SAXO1: variants seen among roughly 807,000 people sequenced by gnomAD.
The protein encoded by SAXO1 is stabilizer of axonemal microtubules 1, also known as 4930500O09Rik.
A neutral mutation model predicts 17.5 loss-of-function variants in SAXO1; 21 were observed. That is an observed-to-expected ratio of 1.20 (90% CI 0.85 to 1.72). The LOEUF (loss-of-function observed/expected upper bound fraction) is 1.72. SAXO1 is among the 40% of genes most tolerant of loss of function. The pLI, the probability that SAXO1 is intolerant of heterozygous loss-of-function variation, is 0.00. For missense variants in SAXO1, 843 were observed against 596.0 expected (o/e 1.41, Z -4.32); for synonymous variants, 274 against 216.5 (o/e 1.27, Z -2.33).
At chr9:18,967,809 G>A (rs1284935004) in intron 1 of SAXO1, among the ~76,000 whole-genome samples, 5 of 151,756 alleles carry the variant, frequency 3.3e-5, no homozygotes, top group Non-Finnish European at 7.4e-5. Context: ...AAAAACTCCT[G>A]CAGCTAGCTC....
intron 1 of SAXO1, among the ~76,000 whole-genome samples, chr9:19,042,830 C>A (rs58036377): frequency 0.17 from 25,425 of 150,840 alleles, 3,076 homozygotes; most frequent in African/African-American, 0.35. Context: ...CCACTGTACT[C>A]CAGACTGGGC....
intron 1 of SAXO1, among the ~76,000 whole-genome samples, chr9:18,962,109 C>A (rs1157871056): frequency 1.3e-5 from 2 of 151,792 alleles, no homozygotes; most frequent in African/African-American, 4.8e-5. Flanking sequence ...CTCTTGTTGC[C>A]CAAGCAGGAG....
At chr9:19,041,519 G>A (rs531813669) in intron 1 of SAXO1, among the ~76,000 whole-genome samples, 1 of 152,244 alleles carries the variant, frequency 6.6e-6, no homozygotes, top group South Asian at 2.1e-4. Context: ...CAAAATTGGA[G>A]GAATCACATT....
chr9:19,036,302 T>G (rs182376661), upstream of SAXO1, among the ~76,000 whole-genome samples: 1,028 of 150,642 alleles, frequency 6.8e-3, 11 homozygotes, highest in African/African-American at 0.024. Context: ...AAGAAAAACC[T>G]GTTTTCTGAG....
chr9:19,039,055 A>G (rs1412999781), intron 1 of SAXO1, among the ~76,000 whole-genome samples: 1 of 151,650 alleles, frequency 6.6e-6, no homozygotes, highest in East Asian at 1.9e-4. Flanking sequence ...CTGAAAAGCA[A>G]CTCTTTACAG....
upstream of SAXO1, among the ~76,000 whole-genome samples, chr9:19,035,643 G>A (rs1835916683): frequency 6.6e-6 from 1 of 152,204 alleles, no homozygotes; most frequent in Non-Finnish European, 1.5e-5. Flanking sequence ...CTAGAGACTT[G>A]TTGAATGGCT....
chr9:18,993,701 A>C (rs1833899797), intron 1 of SAXO1, among the ~76,000 whole-genome samples: 1 of 152,170 alleles, frequency 6.6e-6, no homozygotes, highest in East Asian at 1.9e-4. Flanking sequence ...AGAATGTAGA[A>C]GGCAAGGCGA....
intron 1 of SAXO1, among the ~76,000 whole-genome samples, chr9:18,983,976 AT>A (rs1298409614): frequency 1.3e-5 from 2 of 152,228 alleles, no homozygotes; most frequent in Non-Finnish European, 2.9e-5. Flanking sequence ...GAAAATTGAA[AT>A]TACTTTTTGA....
chr9:19,018,221 TTTTG>T (rs1012996954), intron 1 of SAXO1, among the ~76,000 whole-genome samples: 3 of 152,138 alleles, frequency 2.0e-5, no homozygotes, highest in Non-Finnish European at 4.4e-5. Context: ...TTCTCCATGT[TTTTG>T]TTTTTTATTG....
intron 1 of SAXO1, among the ~76,000 whole-genome samples, chr9:19,014,460 C>CAAAAAAAAA (rs375593725): frequency 4.0e-4 from 35 of 88,526 alleles, no homozygotes; most frequent in African/African-American, 5.3e-4. Context: ...AACTGTGTCT[C>CAAAAAAAAA]AAAAAAAAAA....
At chr9:18,988,808 A>G (rs1184604436) in intron 1 of SAXO1, among the ~76,000 whole-genome samples, 3 of 152,152 alleles carry the variant, frequency 2.0e-5, no homozygotes, top group East Asian at 3.8e-4. Flanking sequence ...TAAAACCCCT[A>G]ATTAAAACTA....
chr9:19,000,607 A>G (rs1834226295), intron 1 of SAXO1, among the ~76,000 whole-genome samples: 1 of 152,240 alleles, frequency 6.6e-6, no homozygotes. Context: ...CTGCCCAGCC[A>G]CTGTGCAACC....
At chr9:19,046,130 A>T (rs34395443) in intron 1 of SAXO1, among the ~76,000 whole-genome samples, 6,042 of 151,534 alleles carry the variant, frequency 0.04, 178 homozygotes, top group Non-Finnish European at 0.065. Flanking sequence ...ACATACAAAC[A>T]AAAGAAACTT....
At chr9:18,986,749 C>A (rs781668839) in intron 1 of SAXO1, among the ~76,000 whole-genome samples, 8 of 152,170 alleles carry the variant, frequency 5.3e-5, no homozygotes, top group Non-Finnish European at 8.8e-5. Flanking sequence ...TACAGTTGTG[C>A]AGGTTGCATA....
Position 18,927,723 on chromosome 9 carries a change from A to G in SAXO1, c.*329T>C, listed in dbSNP as rs1054827379. The G allele has an allele frequency of 3.5e-5, 8 of 229,662 alleles. No homozygotes were observed. The highest frequency in any genetic ancestry group is 4.2e-5 in the Non-Finnish European group (5 of 118,306). 14.2% of individuals were successfully genotyped at this position (229,662 alleles called of 1,614,324 possible). A position where few individuals can be genotyped will look rare whatever the true frequency, so the allele number is the denominator to read the frequency against. On this transcript the variant is annotated 3_prime_UTR_variant, in exon 4 of 4. Transcript: ENST00000380534. ...CTTGGCAAGGGTTAATCATTATGTC[A>G]GTTCATACAATGATTAAATTAATAA...
intron 2 of SAXO1, among the ~76,000 whole-genome samples, chr9:18,948,298 G>A (rs145171447): frequency 6.6e-6 from 1 of 152,310 alleles, no homozygotes; most frequent in African/African-American, 2.4e-5. Context: ...AGAGAACACA[G>A]ATGTCTTCTA....
intron 1 of SAXO1, among the ~76,000 whole-genome samples, chr9:18,955,215 G>C (rs74858031): frequency 0.028 from 4,295 of 152,114 alleles, 166 homozygotes; most frequent in African/African-American, 0.086. Flanking sequence ...AAACTAAAAA[G>C]TTTTTTAAAA....
chr9:18,967,148 C>A (rs1054809422), intron 1 of SAXO1, among the ~76,000 whole-genome samples: 2 of 152,174 alleles, frequency 1.3e-5, no homozygotes, highest in Non-Finnish European at 2.9e-5. Flanking sequence ...CTGCCAGATG[C>A]CAGCTGGAGC....
intron 1 of SAXO1, among the ~76,000 whole-genome samples, chr9:18,982,787 T>C (rs1165958806): frequency 6.6e-6 from 1 of 152,238 alleles, no homozygotes; most frequent in Non-Finnish European, 1.5e-5. Flanking sequence ...TTGGAAATCT[T>C]ACCTTAATTC....
Sources: gnomAD v4.1 joint callset for allele counts (sites outside exome capture counted in the v4.1 genomes callset) on GRCh38, gnomAD v4.1.1 for gene constraint, MANE v1.5 for transcripts, NCBI Gene and HGNC (gene_info 2026-07-23, HGNC 2026-07-21) for gene names.